SPNS3: variants seen among roughly 807,000 people sequenced by gnomAD.
SPNS3 encodes the protein protein spinster homolog 3.
A neutral mutation model predicts 54.4 loss-of-function variants in SPNS3; 51 were observed. The observed-to-expected ratio is 0.94, with a 90% CI of 0.75 to 1.18. The LOEUF (loss-of-function observed/expected upper bound fraction) is 1.18. Among genes scored for constraint, SPNS3 ranks in the 50% most tolerant of loss-of-function variants. SPNS3 has a pLI of 0.00. For synonymous variants in SPNS3, 309 were observed against 294.7 expected (o/e 1.05, Z -0.50); for missense variants, 669 against 677.4 (o/e 0.99, Z 0.14).
chr17:4,440,217 C>A (rs1003366277), intron 2 of SPNS3, among the ~76,000 whole-genome samples: 1 of 152,208 alleles, frequency 6.6e-6, no homozygotes, highest in African/African-American at 2.4e-5. Context: ...AGGGAGCAGC[C>A]ACACGTCCCA....
At chr17:4,465,443 C>G (rs1438476656) in intron 8 of SPNS3, among the ~76,000 whole-genome samples, 2 of 152,016 alleles carry the variant, frequency 1.3e-5, no homozygotes, top group African/African-American at 4.8e-5. Flanking sequence ...GAAATGGACT[C>G]TAGGCCATGC....
At chr17:4,450,020 T>A (rs1271631783) in intron 7 of SPNS3, among the ~76,000 whole-genome samples, 2 of 151,862 alleles carry the variant, frequency 1.3e-5, no homozygotes, top group East Asian at 3.9e-4. Flanking sequence ...CAATCCTCCC[T>A]TCCTTCTCTC....
intron 11 of SPNS3, 83 bp from the exon 12 acceptor site, chr17:4,487,723 T>C (rs1972360114): frequency 8.0e-7 from 1 of 1,247,476 alleles, no homozygotes. Context: ...GAGGATTTCC[T>C]GACAGCCCGT....
chr17:4,440,526 TA>T (rs965782450), intron 2 of SPNS3, among the ~76,000 whole-genome samples: 11 of 152,180 alleles, frequency 7.2e-5, no homozygotes, highest in South Asian at 2.1e-4. Context: ...GAGACTGATT[TA>T]TTTCTAGATT....
At chr17:4,476,168 A>G (rs1284388893) in intron 8 of SPNS3, among the ~76,000 whole-genome samples, 1 of 152,186 alleles carries the variant, frequency 6.6e-6, no homozygotes, top group Non-Finnish European at 1.5e-5. Context: ...TAATTACAGG[A>G]TTAGAAGGTG....
rs373363478 is a variant in SPNS3 at position 4,464,766 on chromosome 17, C to T, written c.1113+11561C>T. Among the ~76,000 whole-genome samples the T allele has an allele frequency of 3.6e-4, 55 of 152,234 alleles. No individual in the cohort carries two copies. In the East Asian group the frequency reaches 8.7e-3, roughly 24 times the overall value. On this transcript the variant is annotated intron_variant, in intron 8 of 11. Coordinates refer to ENST00000355530, the MANE Select transcript of SPNS3 (RefSeq NM_182538.5). ...CGCAATCTCGGCTCACTGCAACCTC[C>T]GCCTCCCAGGTTCAAGCGATTCTCC... is the stretch of plus-strand genomic sequence containing the variant.
At chr17:4,436,363 G>A (rs776196848) in intron 1 of SPNS3, among the ~76,000 whole-genome samples, 1 of 152,170 alleles carries the variant, frequency 6.6e-6, no homozygotes, top group Non-Finnish European at 1.5e-5. Flanking sequence ...GAGGTCAGGA[G>A]CTTCTCCTCA....
At chr17:4,458,568 C>T (rs1971388627) in intron 8 of SPNS3, among the ~76,000 whole-genome samples, 2 of 138,392 alleles carry the variant, frequency 1.4e-5, no homozygotes, top group African/African-American at 2.7e-5. Context: ...TTCCTTCCCT[C>T]CTTTCTTTCT....
chr17:4,468,197 T>C (rs932679843), intron 8 of SPNS3, among the ~76,000 whole-genome samples: 5 of 152,036 alleles, frequency 3.3e-5, no homozygotes, highest in African/African-American at 1.2e-4. Flanking sequence ...TCCTAGCACG[T>C]TGGGCAGCTC....
At chr17:4,436,538 G>GGGAGGATTGCTTGAGGCTGAAGCA (rs1970723036) in intron 1 of SPNS3, among the ~76,000 whole-genome samples, 1 of 106,964 alleles carries the variant, frequency 9.3e-6, no homozygotes, top group African/African-American at 3.0e-5. Context: ...AGGCTGAAGC[G>GGGAGGATTGCTTGAGGCTGAAGCA]GGAGGATTGC....
intron 8 of SPNS3, among the ~76,000 whole-genome samples, chr17:4,457,235 T>G (rs541383822): frequency 1.1e-4 from 16 of 152,068 alleles, no homozygotes; most frequent in Non-Finnish European, 2.4e-4. Context: ...CTACAGAAAA[T>G]TAAAAAATTA....
chr17:4,470,162 C>T (rs1971817908), intron 8 of SPNS3, among the ~76,000 whole-genome samples: 1 of 152,196 alleles, frequency 6.6e-6, no homozygotes. Context: ...GGCACAGTGA[C>T]TCACGCCTGT....
chr17:4,434,178 A>G lies in SPNS3; in HGVS notation c.199+12A>G. ...GTTCATCATTGCAGGTGAGGAGGGG[A>G]TGGCTACCCTGGGCAGTACCTGCTG... On this transcript the variant is annotated intron_variant, in intron 1 of 11. Coordinates refer to ENST00000355530, the MANE Select transcript of SPNS3 (RefSeq NM_182538.5). The G allele has an allele frequency of 3.1e-6, 5 of 1,602,994 alleles. No homozygotes were observed. Among genetic ancestry groups the G allele is most frequent in the Non-Finnish European group, 4.3e-6 (5 of 1,174,030 alleles).
intron 7 of SPNS3, among the ~76,000 whole-genome samples, chr17:4,449,599 C>G (rs368810891): frequency 6.6e-6 from 1 of 151,334 alleles, no homozygotes; most frequent in African/African-American, 2.4e-5. Flanking sequence ...GGCCAACTCT[C>G]TTGTCCTCTC....
At chr17:4,452,136 G>T (rs1351269586) in intron 7 of SPNS3, among the ~76,000 whole-genome samples, 3 of 151,926 alleles carry the variant, frequency 2.0e-5, no homozygotes, top group Non-Finnish European at 4.4e-5. Flanking sequence ...GGGAATTGTT[G>T]CCCAAGCTGG....
At position 4,451,389 on chromosome 17, in the gene SPNS3, C is replaced by T. The variant is rs140259928; in HGVS notation, c.924-1627C>T. On this transcript the variant is annotated intron_variant, in intron 7 of 11. Transcript: ENST00000355530. Reference sequence around the variant, plus strand: ...GCCTCAGCCTCCCAAGTAGCTGGGACTACAGGCGCACACCACCACGCCCAG... The same window carrying T: ...GCCTCAGCCTCCCAAGTAGCTGGGATTACAGGCGCACACCACCACGCCCAG... 6.9e-4 allele frequency among the ~76,000 whole-genome samples: 105 copies of T among 151,374 alleles called. 1 individual carries two copies. The highest frequency in any genetic ancestry group is 2.0e-3 in the African/African-American group (84 of 41,292).
chr17:4,463,844 G>A (rs1486330525), intron 8 of SPNS3, among the ~76,000 whole-genome samples: 4 of 151,878 alleles, frequency 2.6e-5, no homozygotes, highest in Non-Finnish European at 5.9e-5. Context: ...TTGTATGTAT[G>A]TGCATGGTGT....
At chr17:4,446,023 C>T (rs760163526) in intron 3 of SPNS3, 25 bp from the exon 4 acceptor site, 60 of 1,581,452 alleles carry the variant, frequency 3.8e-5, no homozygotes, top group African/African-American at 1.3e-4. Flanking sequence ...TGGAACTCAC[C>T]GTGGTCTTGT....
At chr17:4,463,867 C>T (rs1476652249) in intron 8 of SPNS3, among the ~76,000 whole-genome samples, 4 of 151,872 alleles carry the variant, frequency 2.6e-5, no homozygotes, top group South Asian at 2.1e-4. Context: ...ATGAGTGTGT[C>T]GATGTGTGCT....
Sources: allele counts gnomAD v4.1 joint callset (sites outside exome capture counted in the v4.1 genomes callset), GRCh38; gene constraint gnomAD v4.1.1; transcripts MANE v1.5; gene names NCBI Gene and HGNC (gene_info 2026-07-23, HGNC 2026-07-21).